The following TSC22D2 variants were observed in gnomAD, a reference collection of about 807,000 sequenced individuals.
The protein encoded by TSC22D2 is TSC22 domain family member 2, also known as TSC22 domain family protein 2.
In TSC22D2, 5 loss-of-function variants were observed where a neutral mutation model predicts 50.1. The ratio of observed to expected loss-of-function variants is 0.10; its 90% CI spans 0.05 to 0.21. The LOEUF (loss-of-function observed/expected upper bound fraction) is 0.21. Among genes scored for constraint, TSC22D2 ranks in the 10% least tolerant of loss-of-function variants. TSC22D2 has a pLI of 1.00. For missense variants in TSC22D2, 1,003 were observed against 1,015.5 expected (o/e 0.99, Z 0.17); for synonymous variants, 501 against 450.1 (o/e 1.11, Z -1.43).
intron 1 of TSC22D2, among the ~76,000 whole-genome samples, chr3:150,411,827 G>A (rs964108998): frequency 5.9e-5 from 9 of 152,108 alleles, no homozygotes; most frequent in African/African-American, 2.2e-4. Flanking sequence ...TGTCAAATCC[G>A]GCTTTGAAGA....
Position 150,409,707 on chromosome 3 carries a change from T to C in TSC22D2, c.357T>C (p.Ser119=). The C allele has an allele frequency of 6.3e-7, 1 of 1,591,244 alleles. No individual in the cohort carries two copies. The highest frequency in any genetic ancestry group is 8.5e-7 in the Non-Finnish European group (1 of 1,172,458). The change falls in exon 1 of 3, where the codon AGT becomes AGC. Residue 119 remains serine (S), a synonymous_variant. Coordinates refer to ENST00000688009, the MANE Select transcript of TSC22D2 (RefSeq NM_001303264.2). The surrounding 1 kb of genome is among the most constrained non-coding windows in gnomAD (Gnocchi z 7.4). ...GGAGCGTGTCTGGGGCGCTCGCCAG[T>C]ACCCTGGCGGCGGCTGCCACTTCGG... ...SARSVSGALA[S]TLAAAATSAP...
chr3:150,451,256 T>G (rs1280828854), intron 1 of TSC22D2, among the ~76,000 whole-genome samples: 2 of 152,200 alleles, frequency 1.3e-5, no homozygotes, highest in African/African-American at 4.8e-5. Flanking sequence ...TGCAGTATTT[T>G]AATTAAAGAT....
intron 1 of TSC22D2, among the ~76,000 whole-genome samples, chr3:150,449,926 G>A (rs771115994): frequency 1.3e-5 from 2 of 151,318 alleles, no homozygotes; most frequent in Non-Finnish European, 3.0e-5. Flanking sequence ...TTTTTCTATT[G>A]GGCATCTGGT....
In TSC22D2 at chr3:150,409,272, G is replaced by A. The variant is rs1292908293; in HGVS notation, c.-79G>A. 6 of 1,470,720 alleles carry A rather than the reference G, an allele frequency of 4.1e-6. No individual in the cohort carries two copies. Among genetic ancestry groups the A allele is most frequent in the Admixed American group, 2.2e-5 (1 of 45,398 alleles). The allele number at this position is 1,470,720 out of a possible 1,614,324, so 91.1% of individuals were successfully genotyped here. The stretch of plus-strand genomic sequence containing the variant: ...GCAGACTCGGACTTTGTCTTTGGGG[G>A]CCCGTGCTCTGCCCTCCCCGGTTTC... On this transcript the variant is annotated 5_prime_UTR_variant, in exon 1 of 3. Transcript: ENST00000688009. This position sits in a 1 kb window ranked among gnomAD's most constrained non-coding sequence, Gnocchi z 7.4.
At chr3:150,411,559 G>T (rs1215860585) in intron 1 of TSC22D2, among the ~76,000 whole-genome samples, 2 of 152,184 alleles carry the variant, frequency 1.3e-5, no homozygotes, top group Non-Finnish European at 2.9e-5. Context: ...AAAAAAAGGT[G>T]AATTTAAGCT....
intron 1 of TSC22D2, 149 bp downstream of exon 1, chr3:150,411,457 G>C: frequency 1.2e-6 from 1 of 832,850 alleles, no homozygotes; most frequent in Non-Finnish European, 1.8e-6. Flanking sequence ...TTAGATTGCT[G>C]ATGCTGATGT....
At chr3:150,434,360 T>TC (rs977044742) in intron 1 of TSC22D2, among the ~76,000 whole-genome samples, 2 of 152,096 alleles carry the variant, frequency 1.3e-5, no homozygotes, top group African/African-American at 4.8e-5. Flanking sequence ...CAGGCTGGTC[T>TC]CAAACTCCTG....
At chr3:150,413,887 T>A (rs548938891) in intron 1 of TSC22D2, among the ~76,000 whole-genome samples, 9 of 151,558 alleles carry the variant, frequency 5.9e-5, no homozygotes, top group Admixed American at 2.6e-4. Flanking sequence ...ATGCTTTTTT[T>A]AAAAAAAAAT....
chr3:150,453,772 C>T (rs957469714), intron 1 of TSC22D2, among the ~76,000 whole-genome samples: 7 of 152,186 alleles, frequency 4.6e-5, no homozygotes, highest in African/African-American at 1.4e-4. Flanking sequence ...TATCTAATTA[C>T]TATCAGTATG....
intron 2 of TSC22D2, 140 bp from the exon 3 acceptor site, chr3:150,458,236 G>T: frequency 1.1e-6 from 1 of 873,946 alleles, no homozygotes; most frequent in South Asian, 1.9e-5. Context: ...TCTTCCATAG[G>T]CTCGGTCAAG....
At chr3:150,434,623 A>C (rs1378642776) in intron 1 of TSC22D2, among the ~76,000 whole-genome samples, 1 of 152,120 alleles carries the variant, frequency 6.6e-6, no homozygotes, top group Non-Finnish European at 1.5e-5. Flanking sequence ...GAAAGGATCA[A>C]GTGTATAAAT....
At chr3:150,423,010 T>G in intron 1 of TSC22D2, 2 of 1,518,392 alleles carry the variant, frequency 1.3e-6, no homozygotes, top group Non-Finnish European at 1.8e-6. Context: ...ATACTGTACG[T>G]TCTCAACCTC....
intron 1 of TSC22D2, among the ~76,000 whole-genome samples, chr3:150,456,256 C>T (rs1441292042): frequency 2.0e-5 from 3 of 149,842 alleles, no homozygotes; most frequent in Non-Finnish European, 3.0e-5. Flanking sequence ...GGCGTGATCT[C>T]GGCTCACTGC....
chr3:150,456,769 T>C (rs1454900026), intron 1 of TSC22D2, among the ~76,000 whole-genome samples: 1 of 152,182 alleles, frequency 6.6e-6, no homozygotes, highest in Non-Finnish European at 1.5e-5. Flanking sequence ...TTAAAATGTA[T>C]CCTTTTAAAA....
At position 150,410,949 on chromosome 3, in the gene TSC22D2, G is replaced by T. The variant is rs1719531785; in HGVS notation, c.1599G>T (p.Ala533=). 1 of 1,614,124 alleles carries T rather than the reference G, an allele frequency of 6.2e-7. No individual in the cohort carries two copies. Among genetic ancestry groups the T allele is most frequent in the African/African-American group, 1.3e-5 (1 of 75,040 alleles). ...CTGTTACTATGCCAAATGTACCCGC[G>T]CCTCTGGCCCAGTCGCAACAGCTGA... ...TTSVTMPNVP[A]PLAQSQQLSS... The change falls in exon 1 of 3, where the codon GCG becomes GCT. Residue 533 remains alanine (A), a synonymous_variant. Coordinates refer to ENST00000688009, the MANE Select transcript of TSC22D2 (RefSeq NM_001303264.2).
intron 1 of TSC22D2, chr3:150,438,286 G>T (rs1259624303): frequency 2.5e-6 from 1 of 394,064 alleles, no homozygotes. Context: ...GCCCTCACAT[G>T]GTTGGAGGGT....
At chr3:150,424,441 G>C (rs1456108988) in intron 1 of TSC22D2, among the ~76,000 whole-genome samples, 1 of 152,068 alleles carries the variant, frequency 6.6e-6, no homozygotes, top group Non-Finnish European at 1.5e-5. Flanking sequence ...AGCTAACTTT[G>C]AGCTGTCATG....
chr3:150,414,532 A>G (rs1428806005), intron 1 of TSC22D2, among the ~76,000 whole-genome samples: 1 of 152,182 alleles, frequency 6.6e-6, no homozygotes, highest in Non-Finnish European at 1.5e-5. Context: ...TGGCCAAAAG[A>G]CTGTTGAAAA....
In TSC22D2 at chr3:150,464,040, T is replaced by G. The variant is rs1576563890; in HGVS notation, c.*5404T>G. Reference sequence around the variant, plus strand: ...TATCCCCTTGGAGGGAAGGGAAAGGTGTGCTAACTTAGATCATAAAAACAA... The same window carrying G: ...TATCCCCTTGGAGGGAAGGGAAAGGGGTGCTAACTTAGATCATAAAAACAA... On this transcript the variant is annotated 3_prime_UTR_variant, in exon 3 of 3. Transcript: ENST00000688009. 6.6e-6 allele frequency: 1 copy of G among 152,102 alleles called. No individual in the cohort carries two copies. The highest frequency in any genetic ancestry group is 2.1e-4 in the South Asian group (1 of 4,822). 9.4% of individuals were successfully genotyped at this position (152,102 alleles called of 1,614,324 possible).
Sources: allele counts gnomAD v4.1 joint callset (sites outside exome capture counted in the v4.1 genomes callset), GRCh38; gene constraint gnomAD v4.1.1; non-coding constraint Gnocchi (gnomAD v3.1); transcripts MANE v1.5; gene names NCBI Gene and HGNC (gene_info 2026-07-23, HGNC 2026-07-21).